The following LEPROTL1 variants were observed in gnomAD, a reference collection of about 807,000 sequenced individuals.
LEPROTL1 encodes leptin receptor overlapping transcript-like 1.
In LEPROTL1, 6 loss-of-function variants were observed where a neutral mutation model predicts 15.4. The observed-to-expected ratio is 0.39, with a 90% CI of 0.21 to 0.77. The LOEUF (loss-of-function observed/expected upper bound fraction) is 0.77. Among genes scored for constraint, LEPROTL1 ranks in the 30% least tolerant of loss-of-function variants. The pLI, the probability that LEPROTL1 is intolerant of heterozygous loss-of-function variation, is 0.41. For synonymous variants in LEPROTL1, 56 were observed against 52.6 expected (o/e 1.06, Z -0.28); for missense variants, 128 against 158.1 (o/e 0.81, Z 1.02).
downstream of LEPROTL1, among the ~76,000 whole-genome samples, chr8:30,113,104 C>T (rs1384656268): frequency 4.6e-5 from 6 of 131,042 alleles, no homozygotes; most frequent in Non-Finnish European, 7.8e-5. Context: ...AACCCCGTCT[C>T]TCCAAAAAAA....
intron 4 of LEPROTL1, among the ~76,000 whole-genome samples, chr8:30,135,472 C>A (rs1013870278): frequency 6.6e-6 from 1 of 152,132 alleles, no homozygotes; most frequent in African/African-American, 2.4e-5. Context: ...TAGGACTTTG[C>A]CTAATGTGGG....
downstream of LEPROTL1, among the ~76,000 whole-genome samples, chr8:30,109,618 T>C (rs191644002): frequency 6.6e-6 from 1 of 152,208 alleles, no homozygotes; most frequent in African/African-American, 2.4e-5. Flanking sequence ...TTGATCCTTT[T>C]CATACAACTG....
Position 30,107,891 on chromosome 8 carries a change from A to C in LEPROTL1, c.*2029A>C, listed in dbSNP as rs1802595634. On this transcript the variant is annotated 3_prime_UTR_variant, in exon 4 of 4. Transcript: ENST00000321250. ...CGTATTATTTCTATATACTAACTGC[A>C]TTGGCAGCATTGTGTCTTTGACCTT... 4 of 985,224 alleles carry C rather than the reference A, an allele frequency of 4.1e-6. No homozygotes were observed. The highest frequency in any genetic ancestry group is 4.8e-6 in the Non-Finnish European group (4 of 829,782). 61.0% of individuals were successfully genotyped at this position (985,224 alleles called of 1,614,324 possible).
At chr8:30,132,426 A>G in exon 4 of LEPROTL1, 3 of 1,551,736 alleles carry the variant, frequency 1.9e-6, no homozygotes, top group Non-Finnish European at 2.6e-6. Context: ...GGCTCTGACC[A>G]AGCTCAGGCC....
At chr8:30,109,343 G>C (rs1431221146), downstream of LEPROTL1, among the ~76,000 whole-genome samples, 3 of 152,048 alleles carry the variant, frequency 2.0e-5, no homozygotes. Flanking sequence ...TTTTATTACA[G>C]GTCTGTTCAT....
intron 3 of LEPROTL1, among the ~76,000 whole-genome samples, chr8:30,122,846 T>C (rs1251150985): frequency 1.3e-5 from 2 of 152,148 alleles, no homozygotes; most frequent in African/African-American, 4.8e-5. Context: ...ATAGATCAAT[T>C]TGGGGAGAAT....
At chr8:30,114,878 C>T (rs1040673186) in intron 3 of LEPROTL1, among the ~76,000 whole-genome samples, 2 of 152,144 alleles carry the variant, frequency 1.3e-5, no homozygotes, top group Non-Finnish European at 2.9e-5. Flanking sequence ...GCTGTTAGAT[C>T]TGCCTGGGGG....
chr8:30,125,995 T>C (rs1802899573), intron 3 of LEPROTL1, among the ~76,000 whole-genome samples: 2 of 152,220 alleles, frequency 1.3e-5, no homozygotes, highest in Admixed American at 1.3e-4. Context: ...AGAATCAAGT[T>C]TCCTGAACCA....
At chr8:30,096,933 T>C (rs1802376037) in intron 1 of LEPROTL1, among the ~76,000 whole-genome samples, 1 of 152,170 alleles carries the variant, frequency 6.6e-6, no homozygotes, top group Admixed American at 6.5e-5. Context: ...CTTGAGCCAT[T>C]TGTCTATTAC....
chr8:30,124,425 T>C (rs754894797), intron 3 of LEPROTL1, among the ~76,000 whole-genome samples: 34 of 152,212 alleles, frequency 2.2e-4, no homozygotes, highest in Admixed American at 6.5e-4. Context: ...GTTTCGTCCA[T>C]GTATTCTCCA....
rs11430475 is a variant in LEPROTL1 at position 30,133,788 on chromosome 8, C to CAAA, written c.394+1314_394+1316dup. 4.9e-3 allele frequency among the ~76,000 whole-genome samples: 603 copies of CAAA among 122,920 alleles called. 15 individuals are homozygous for CAAA. Among genetic ancestry groups the CAAA allele is most frequent in the Middle Eastern group, 8.0e-3 (2 of 250 alleles). 80.6% of individuals were successfully genotyped at this position (122,920 alleles called of 152,430 possible). ...TACACATCCAAGTGAGACCCTGTCTCAAAAAAAAAAAAAAAAAGAAAGAGA... is the reference window on the plus strand; with the variant it reads ...TACACATCCAAGTGAGACCCTGTCTCAAAAAAAAAAAAAAAAAAAAGAAAGAGA... On this transcript the variant is annotated intron_variant, in intron 4 of 4. Transcript: ENST00000442880.
At chr8:30,101,679 A>C (rs1802469644) in intron 1 of LEPROTL1, among the ~76,000 whole-genome samples, 1 of 150,504 alleles carries the variant, frequency 6.6e-6, no homozygotes, top group Admixed American at 6.6e-5. Flanking sequence ...ACAAAAAAAA[A>C]AAAAAAAAAA....
chr8:30,101,111 T>A (rs1802458927), intron 1 of LEPROTL1, among the ~76,000 whole-genome samples: 1 of 152,134 alleles, frequency 6.6e-6, no homozygotes. Flanking sequence ...TTCTGGTCAG[T>A]TTTATGCACA....
chr8:30,105,725 G>C, intron 3 of LEPROTL1, 21 bp from the exon 4 acceptor site: 1 of 1,590,192 alleles, frequency 6.3e-7, no homozygotes, highest in Non-Finnish European at 8.6e-7. Context: ...CCTGTTGACT[G>C]AGTGTATCTT....
At chr8:30,117,430 G>C in intron 3 of LEPROTL1, 1 of 1,526,340 alleles carries the variant, frequency 6.6e-7, no homozygotes, top group South Asian at 1.1e-5. Flanking sequence ...TTTTCATCTT[G>C]CTTCTTCATG....
intron 3 of LEPROTL1, among the ~76,000 whole-genome samples, chr8:30,121,437 C>T (rs993610780): frequency 6.6e-5 from 10 of 151,632 alleles, no homozygotes; most frequent in African/African-American, 2.4e-4. Flanking sequence ...TATTTTCAGT[C>T]GAGATGGGTT....
chr8:30,134,346 C>T (rs1803092244), intron 4 of LEPROTL1, among the ~76,000 whole-genome samples: 1 of 151,710 alleles, frequency 6.6e-6, no homozygotes, highest in Admixed American at 6.6e-5. Flanking sequence ...TCACTGGAAC[C>T]TGGGAGGCGG....
At chr8:30,096,963 T>G (rs1802376248) in intron 1 of LEPROTL1, among the ~76,000 whole-genome samples, 1 of 152,250 alleles carries the variant, frequency 6.6e-6, no homozygotes, top group Non-Finnish European at 1.5e-5. Context: ...TATTGGATTT[T>G]CTGGTAACTC....
chr8:30,137,649 C>G (rs1803178228), exon 5 of LEPROTL1: 2 of 639,452 alleles, frequency 3.1e-6, no homozygotes, highest in South Asian at 3.9e-5. Flanking sequence ...ACCTAACCAA[C>G]TCCATCTTGC....
Sources: allele counts gnomAD v4.1 joint callset (sites outside exome capture counted in the v4.1 genomes callset), GRCh38; gene constraint gnomAD v4.1.1; transcripts MANE v1.5; gene names NCBI Gene and HGNC (gene_info 2026-07-23, HGNC 2026-07-21).